The following TUT4 variants were observed in gnomAD, a reference collection of about 807,000 sequenced individuals.
TUT4 encodes terminal uridylyltransferase 4.
Under a neutral mutation model 192.2 loss-of-function variants are expected in TUT4, and 36 were observed. That is an observed-to-expected ratio of 0.19 (90% confidence interval 0.14 to 0.25). The LOEUF (loss-of-function observed/expected upper bound fraction) is 0.25. TUT4 is among the 10% of genes least tolerant of loss of function. The probability of loss-of-function intolerance (pLI) is 1.00; values close to 1 mark genes in which losing one functional copy is unlikely to be tolerated. For missense variants in TUT4, 1,493 were observed against 1,957.2 expected (o/e 0.76, Z 4.47); for synonymous variants, 618 against 666.0 (o/e 0.93, Z 1.11).
intron 28 of TUT4, among the ~76,000 whole-genome samples, chr1:52,429,587 T>G (rs1651330478): frequency 6.6e-6 from 1 of 150,532 alleles, no homozygotes; most frequent in Non-Finnish European, 1.5e-5. Flanking sequence ...TTTTTTTAAT[T>G]TTATTTATTT....
At chr1:52,490,005 T>C (rs751707048) in intron 8 of TUT4, among the ~76,000 whole-genome samples, 20 of 152,192 alleles carry the variant, frequency 1.3e-4, no homozygotes, top group Admixed American at 4.6e-4. Context: ...CTTAGACTTA[T>C]AGACATCTAA....
chr1:52,455,051 AAGGC>A (rs1332687451), intron 20 of TUT4, among the ~76,000 whole-genome samples: 1 of 152,136 alleles, frequency 6.6e-6, no homozygotes, highest in Non-Finnish European at 1.5e-5. Flanking sequence ...TTGGGAGGCC[AAGGC>A]AGGCAAATTA....
chr1:52,483,749 G>T (rs1028534203), intron 9 of TUT4, among the ~76,000 whole-genome samples: 1 of 152,106 alleles, frequency 6.6e-6, no homozygotes, highest in African/African-American at 2.4e-5. Flanking sequence ...GGTAGAGGTT[G>T]CAGTGAGCTG....
intron 28 of TUT4, 80 bp downstream of exon 28, chr1:52,430,932 CT>C: frequency 1.4e-6 from 2 of 1,452,198 alleles, no homozygotes; most frequent in South Asian, 2.8e-5. Context: ...TGCTTTCCTT[CT>C]TTTTCCTCAC....
chr1:52,511,480 T>C (rs1476420414), intron 3 of TUT4, among the ~76,000 whole-genome samples: 3 of 152,110 alleles, frequency 2.0e-5, no homozygotes, highest in African/African-American at 4.8e-5. Context: ...TACGTTACAG[T>C]GTAAGGAGAC....
At chr1:52,441,203 C>T (rs555849740) in intron 24 of TUT4, among the ~76,000 whole-genome samples, 16 of 150,666 alleles carry the variant, frequency 1.1e-4, no homozygotes, top group African/African-American at 7.3e-5. Flanking sequence ...TTTGATACTA[C>T]GTACTGTCTC....
intron 28 of TUT4, among the ~76,000 whole-genome samples, chr1:52,428,737 G>C (rs1348857999): frequency 1.3e-5 from 2 of 152,004 alleles, no homozygotes; most frequent in Admixed American, 6.6e-5. Flanking sequence ...GTTGCAGTGA[G>C]CCGAGATTGT....
At chr1:52,534,267 C>T (rs1232434615) in intron 1 of TUT4, among the ~76,000 whole-genome samples, 1 of 152,160 alleles carries the variant, frequency 6.6e-6, no homozygotes, top group Admixed American at 6.5e-5. Flanking sequence ...TTCCTGAGGG[C>T]TAAGTCTGCC....
chr1:52,481,851 G>C lies in TUT4; in HGVS notation c.1588C>G (p.Leu530Val). The C allele has an allele frequency of 6.3e-7, 1 of 1,599,442 alleles. No individual in the cohort carries two copies. The highest frequency in any genetic ancestry group is 8.5e-7 in the Non-Finnish European group (1 of 1,176,284). Reference sequence around the variant, plus strand: ...AGAAGAGGGGGTTTTCTCTGTTGTAGAAAAAACATCACCATTAAAGCAAAA... The same window carrying C: ...AGAAGAGGGGGTTTTCTCTGTTGTACAAAAAACATCACCATTAAAGCAAAA... Reference protein sequence around the residue: ...YCFALMVMFFLQQRKPPLLPC... With the variant: ...YCFALMVMFFVQQRKPPLLPC... The change falls in exon 10 of 30, where the codon CTA (leucine) becomes GTA (valine). Residue 530 changes from leucine (L) to valine (V), a missense_variant. Around this residue, in one of 7 missense-constraint regions of TUT4, gnomAD observed 437 missense variants for 577.6 expected, o/e 0.76. Transcript: ENST00000257177.
At chr1:52,429,869 C>T (rs765740450) in intron 28 of TUT4, among the ~76,000 whole-genome samples, 1 of 152,040 alleles carries the variant, frequency 6.6e-6, no homozygotes, top group Non-Finnish European at 1.5e-5. Flanking sequence ...TCTGGGATTA[C>T]AGGTGTAAGC....
chr1:52,491,942 C>A (rs541282738), intron 7 of TUT4, among the ~76,000 whole-genome samples: 83 of 152,030 alleles, frequency 5.5e-4, no homozygotes, highest in Non-Finnish European at 5.7e-4. Flanking sequence ...GTAGAAGATA[C>A]AGTAAGAACA....
chr1:52,473,963 T>G (rs534312897), intron 13 of TUT4, among the ~76,000 whole-genome samples: 1 of 152,298 alleles, frequency 6.6e-6, no homozygotes, highest in East Asian at 1.9e-4. Flanking sequence ...TCCCAGCACT[T>G]TGGGAGGCCA....
At chr1:52,469,806 G>C (rs1665199208) in intron 14 of TUT4, among the ~76,000 whole-genome samples, 2 of 151,202 alleles carry the variant, frequency 1.3e-5, no homozygotes, top group Non-Finnish European at 2.9e-5. Context: ...AGGAGAAATG[G>C]CTGGAACCCA....
intron 25 of TUT4, chr1:52,437,702 C>T (rs1405257977): frequency 1.3e-5 from 2 of 152,852 alleles, no homozygotes; most frequent in African/African-American, 2.4e-5. Flanking sequence ...CGCCTGTAAT[C>T]CCAGCACTTT....
intron 1 of TUT4, among the ~76,000 whole-genome samples, chr1:52,540,850 T>C (rs1686415967): frequency 6.6e-6 from 1 of 152,186 alleles, no homozygotes; most frequent in Non-Finnish European, 1.5e-5. Context: ...TTTGTCTTTG[T>C]GTGTTATATC....
At chr1:52,505,567 G>A (rs1675306967) in intron 4 of TUT4, among the ~76,000 whole-genome samples, 1 of 151,580 alleles carries the variant, frequency 6.6e-6, no homozygotes, top group South Asian at 2.1e-4. Flanking sequence ...AATTACAGGT[G>A]TGGGTCACCA....
intron 1 of TUT4, among the ~76,000 whole-genome samples, chr1:52,546,675 G>A (rs1688163382): frequency 6.6e-6 from 1 of 152,160 alleles, no homozygotes; most frequent in East Asian, 1.9e-4. Context: ...AAATCATTAA[G>A]ATGATATGTT....
chr1:52,424,225 C>A, intron 29 of TUT4: 2 of 513,740 alleles, frequency 3.9e-6, no homozygotes, highest in Middle Eastern at 5.4e-4. Context: ...GAGGAGGAAT[C>A]AAAGGGAAAA....
At chr1:52,481,115 A>G (rs536793435) in intron 11 of TUT4, among the ~76,000 whole-genome samples, 2 of 152,314 alleles carry the variant, frequency 1.3e-5, no homozygotes, top group African/African-American at 4.8e-5. Context: ...TGGCAACAAA[A>G]TTCCCATATG....
Sources: allele counts gnomAD v4.1 joint callset (sites outside exome capture counted in the v4.1 genomes callset), GRCh38; gene constraint gnomAD v4.1.1; regional missense constraint gnomAD v4.1.1; transcripts MANE v1.5; gene names NCBI Gene and HGNC (gene_info 2026-07-23, HGNC 2026-07-21).